The following HK2 variants were observed in gnomAD, a reference collection of about 807,000 sequenced individuals.
HK2 encodes the protein hexokinase-2.
A neutral mutation model predicts 92.9 loss-of-function variants in HK2; 42 were observed. The observed-to-expected ratio is 0.45, with a 90% CI of 0.35 to 0.58. The LOEUF (loss-of-function observed/expected upper bound fraction) is 0.58. Ranked by LOEUF, HK2 falls within the 20% of genes least tolerant of loss-of-function variation. HK2 has a pLI of 0.00. For synonymous variants in HK2, 422 were observed against 468.0 expected, an observed-to-expected ratio of 0.90 and a Z score of 1.27; for missense variants, 978 against 1,245.1, an observed-to-expected ratio of 0.79 and a Z score of 3.23.
At chr2:74,888,680 A>G (rs1001306328) in intron 16 of HK2, among the ~76,000 whole-genome samples, 1 of 152,220 alleles carries the variant, frequency 6.6e-6, no homozygotes, top group African/African-American at 2.4e-5. Context: ...GAATAGAAAG[A>G]TATATTCTAG....
intron 17 of HK2, 33 bp from the exon 18 acceptor site, chr2:74,890,764 G>A (rs1689656804): frequency 6.2e-7 from 1 of 1,613,840 alleles, no homozygotes; most frequent in South Asian, 1.1e-5. Context: ...GACTAAGATG[G>A]TTTTTCCTGT....
At chr2:74,846,850 G>A (rs1252921511) in intron 1 of HK2, among the ~76,000 whole-genome samples, 3 of 152,172 alleles carry the variant, frequency 2.0e-5, no homozygotes, top group South Asian at 2.1e-4. Context: ...TAAAGCAGAC[G>A]AAAGTAGTCA....
rs375820063 is a variant in HK2, at chr2:74,880,271, C to G, written c.1272C>G (p.Ala424=). 1.2e-5 allele frequency: 19 copies of G among 1,613,998 alleles called. No individual in the cohort carries two copies. Among genetic ancestry groups the G allele is most frequent in the Non-Finnish European group, 1.5e-5 (18 of 1,180,046 alleles). ...GSVYKKHPHF[A]KRLHKTVRRL... ...CCGCCCTGGGGAACTGCAGTTTTGC[C>G]AAGCGTCTACATAAGACCGTGCGGC... Residue 424 remains alanine (A), a synonymous_variant, in exon 10 of 18, where the codon GCC becomes GCG. Coordinates refer to ENST00000290573, the MANE Select transcript of HK2 (RefSeq NM_000189.5).
At position 74,872,366 on chromosome 2, in the gene HK2, C is replaced by T; in HGVS notation, c.442C>T (p.Leu148Phe). The T allele has an allele frequency of 1.2e-6, 2 of 1,614,064 alleles. No individual in the cohort carries two copies. The highest frequency in any genetic ancestry group is 1.7e-6 in the Non-Finnish European group (2 of 1,179,932). Residue 148 changes from leucine (L) to phenylalanine (F), a missense_variant, in exon 4 of 18, where the codon CTC becomes TTC. Physicochemically the swap from Leu to Phe is conservative, Grantham distance 22. This residue lies in a region of HK2 where 189 missense variants were observed against 289.5 expected (regional missense o/e 0.65). Coordinates refer to ENST00000290573, the MANE Select transcript of HK2 (RefSeq NM_000189.5). ...TAAGCTACAAATCAAAGACAAGAAG[C>T]TCCCACTGGGTTTTACCTTCTCGTT... The part of the protein sequence containing the change: ...MDKLQIKDKK[L>F]PLGFTFSFPC...
In HK2 at chr2:74,887,956, T is replaced by G; in HGVS notation, c.2273T>G (p.Leu758Arg). Residue 758 changes from leucine (L) to arginine (R), a missense_variant, in exon 16 of 18, where the codon CTC becomes CGC. Leu to Arg is a moderately radical substitution (Grantham distance 102). This residue lies in a region of HK2 where 742 missense variants were observed against 922.5 expected (regional missense o/e 0.80). Coordinates refer to ENST00000290573, the MANE Select transcript of HK2 (RefSeq NM_000189.5). ...MYLGEIVRNILIDFTKRGLLF... is the reference protein window; with the variant it reads ...MYLGEIVRNIRIDFTKRGLLF... ...CTGGGTGAGATTGTCCGTAACATTC[T>G]CATCGATTTCACCAAGCGTGGACTA... The G allele has an allele frequency of 6.2e-7, 1 of 1,614,086 alleles. No individual in the cohort carries two copies. Among genetic ancestry groups the G allele is most frequent in the Non-Finnish European group, 8.5e-7 (1 of 1,179,972 alleles).
In HK2 at chr2:74,854,451, G is replaced by A. The variant is rs765750267; in HGVS notation, c.222G>A (p.Gly74=). The change falls in exon 2 of 18, where the codon GGG becomes GGA. Residue 74 remains glycine (G), a synonymous_variant. Coordinates refer to ENST00000290573, the MANE Select transcript of HK2 (RefSeq NM_000189.5). ...LPTFVRSTPD[G]TEHGEFLALD... ...CCTTTGTGAGGTCCACTCCAGATGG[G>A]ACAGGTACTGCATCTGGGGGATGGC... The A allele has an allele frequency of 1.1e-5, 18 of 1,614,140 alleles. 1 individual carries two copies. The South Asian group carries it at 1.9e-4, about 17-fold the overall frequency.
At position 74,885,508 on chromosome 2, in the gene HK2, G is replaced by C. The variant is rs577770670; in HGVS notation, c.1854G>C (p.Lys618Asn). Residue 618 changes from lysine to asparagine, a missense_variant, in exon 13 of 18, where the codon AAG (lysine) becomes AAC (asparagine). By Grantham distance (94) the Lys-to-Asn change is moderately conservative. Transcript: ENST00000290573. ...GTGATTTTTAGAGCATCCTCCTCAAGTGGACAAAAGGCTTCAAGGCATCTG... is the reference window on the plus strand; with the variant it reads ...GTGATTTTTAGAGCATCCTCCTCAACTGGACAAAAGGCTTCAAGGCATCTG... ...QNSLDESILL[K>N]WTKGFKASGC... The C allele has an allele frequency of 3.2e-5, 51 of 1,613,514 alleles. No individual in the cohort carries two copies. Among genetic ancestry groups the C allele is most frequent in the Non-Finnish European group, 1.9e-5 (23 of 1,179,600 alleles).
intron 1 of HK2, among the ~76,000 whole-genome samples, chr2:74,851,942 G>A (rs1267278851): frequency 6.6e-6 from 1 of 152,190 alleles, no homozygotes; most frequent in Non-Finnish European, 1.5e-5. Context: ...AGACCCTGCT[G>A]TATCCAGGCA....
At chr2:74,841,760 C>CA (rs1339837966) in intron 1 of HK2, among the ~76,000 whole-genome samples, 38 of 152,320 alleles carry the variant, frequency 2.5e-4, no homozygotes, top group African/African-American at 8.9e-4. Flanking sequence ...AGAAAGCCAG[C>CA]AAGAGGAGTT....
At chr2:74,878,997 CA>C in intron 9 of HK2, 76 bp downstream of exon 9, 1 of 1,258,722 alleles carries the variant, frequency 7.9e-7, no homozygotes, top group South Asian at 1.3e-5. Flanking sequence ...ATGCCAGCTC[CA>C]TTTTGCATTT....
At chr2:74,869,120 TA>T (rs750715342) in intron 3 of HK2, among the ~76,000 whole-genome samples, 4,965 of 144,622 alleles carry the variant, frequency 0.034, 228 homozygotes, top group African/African-American at 0.11. Flanking sequence ...TAGTCCGGAT[TA>T]AAAAAAAAAA....
At chr2:74,869,402 G>A (rs1166522728) in intron 3 of HK2, among the ~76,000 whole-genome samples, 1 of 152,046 alleles carries the variant, frequency 6.6e-6, no homozygotes, top group Non-Finnish European at 1.5e-5. Context: ...TTTGGTACTT[G>A]GTATCAGTAT....
chr2:74,841,215 A>C (rs1316010532), intron 1 of HK2, among the ~76,000 whole-genome samples: 1 of 151,752 alleles, frequency 6.6e-6, no homozygotes, highest in Non-Finnish European at 1.5e-5. Flanking sequence ...TTTATACCCC[A>C]GTGGACTTTG....
chr2:74,877,352 T>G, intron 8 of HK2, 31 bp downstream of exon 8: 7 of 1,613,546 alleles, frequency 4.3e-6, no homozygotes, highest in Non-Finnish European at 5.9e-6. Flanking sequence ...CTCTATTTGC[T>G]GGATCACCAC....
chr2:74,884,820 G>A (rs532519158), intron 12 of HK2, among the ~76,000 whole-genome samples: 2 of 152,332 alleles, frequency 1.3e-5, no homozygotes, highest in South Asian at 4.1e-4. Flanking sequence ...CAGGTTCAAA[G>A]CCGTCAAGCA....
At chr2:74,872,690 C>T (rs1689125026) in intron 4 of HK2, among the ~76,000 whole-genome samples, 1 of 152,090 alleles carries the variant, frequency 6.6e-6, no homozygotes, top group African/African-American at 2.4e-5. Flanking sequence ...CAGGAACTCC[C>T]CAGTCTAAAG....
chr2:74,841,054 A>G (rs963678387), intron 1 of HK2, among the ~76,000 whole-genome samples: 3 of 152,024 alleles, frequency 2.0e-5, no homozygotes, highest in African/African-American at 4.8e-5. Flanking sequence ...CCTTGGTGCT[A>G]TTGACATTTT....
chr2:74,856,547 C>T (rs559647518), intron 2 of HK2, among the ~76,000 whole-genome samples: 1 of 152,296 alleles, frequency 6.6e-6, no homozygotes, highest in Admixed American at 6.5e-5. Flanking sequence ...AGGCCAGGGC[C>T]TTGTCTTTAT....
intron 1 of HK2, among the ~76,000 whole-genome samples, chr2:74,839,951 C>CT (rs773321768): frequency 0.011 from 1,052 of 97,040 alleles, 14 homozygotes; most frequent in African/African-American, 0.014. Context: ...TGCGCCTGGC[C>CT]TTTTTTTTTT....
Sources: allele counts gnomAD v4.1 joint callset (sites outside exome capture counted in the v4.1 genomes callset), GRCh38; gene constraint gnomAD v4.1.1; regional missense constraint gnomAD v4.1.1; transcripts MANE v1.5; gene names NCBI Gene and HGNC (gene_info 2026-07-23, HGNC 2026-07-21).